Variants in NRXN1 observed in about 807,000 individuals in gnomAD.
The protein encoded by NRXN1 is neurexin-1.
In NRXN1, 39 loss-of-function variants were observed where a neutral mutation model predicts 150.9. That is an observed-to-expected ratio of 0.26 (90% CI 0.20 to 0.34). NRXN1 has a LOEUF of 0.34. Ranked by LOEUF, NRXN1 falls within the 10% of genes least tolerant of loss-of-function variation. The pLI, the probability that NRXN1 is intolerant of heterozygous loss-of-function variation, is 1.00. For synonymous variants in NRXN1, 924 were observed against 757.0 expected, an observed-to-expected ratio of 1.22 and a Z score of -3.62; for missense variants, 1,815 against 1,949.9, an observed-to-expected ratio of 0.93 and a Z score of 1.30.
At chr2:50,825,087 G>A (rs996701814) in intron 5 of NRXN1, among the ~76,000 whole-genome samples, 16 of 152,078 alleles carry the variant, frequency 1.1e-4, no homozygotes, top group Non-Finnish European at 1.8e-4. Flanking sequence ...TGCTTCCAAC[G>A]TATCTATAGT....
intron 2 of NRXN1, among the ~76,000 whole-genome samples, chr2:51,013,701 A>G (rs1668244938): frequency 6.6e-6 from 1 of 152,066 alleles, no homozygotes; most frequent in Non-Finnish European, 1.5e-5. Context: ...AAGGATCTCT[A>G]GTGATACAGA....
chr2:50,003,323 T>G (rs1356662592), intron 21 of NRXN1, among the ~76,000 whole-genome samples: 1 of 152,140 alleles, frequency 6.6e-6, no homozygotes, highest in Non-Finnish European at 1.5e-5. Flanking sequence ...AAAGGAAATT[T>G]GTACATTTGG....
At chr2:50,354,832 G>A (rs1052450060) in intron 17 of NRXN1, among the ~76,000 whole-genome samples, 7 of 151,926 alleles carry the variant, frequency 4.6e-5, no homozygotes, top group Non-Finnish European at 8.8e-5. Context: ...AAAGATCAAT[G>A]CCATGAACTG....
chr2:50,381,363 A>T (rs764289070), intron 17 of NRXN1, among the ~76,000 whole-genome samples: 23 of 152,048 alleles, frequency 1.5e-4, no homozygotes, highest in Non-Finnish European at 2.4e-4. Context: ...CAGAAGAGGG[A>T]GGAAGAAACT....
chr2:50,556,311 A>T (rs955878103), intron 8 of NRXN1, among the ~76,000 whole-genome samples: 14 of 152,096 alleles, frequency 9.2e-5, no homozygotes, highest in Admixed American at 9.2e-4. Flanking sequence ...CTTCTTTCTG[A>T]AACAATGTGG....
chr2:50,223,247 G>T (rs1191057874), intron 18 of NRXN1, among the ~76,000 whole-genome samples: 1 of 151,828 alleles, frequency 6.6e-6, no homozygotes, highest in Non-Finnish European at 1.5e-5. Context: ...CAAAGTTAAG[G>T]AAAAACTAGT....
chr2:50,298,427 A>G (rs1434729157), intron 17 of NRXN1, among the ~76,000 whole-genome samples: 1 of 152,152 alleles, frequency 6.6e-6, no homozygotes, highest in African/African-American at 2.4e-5. Context: ...GAGGAAACCC[A>G]GGGAAATTTT....
At chr2:50,130,930 T>G (rs537311390) in intron 18 of NRXN1, among the ~76,000 whole-genome samples, 9 of 152,206 alleles carry the variant, frequency 5.9e-5, no homozygotes, top group African/African-American at 1.9e-4. Flanking sequence ...TAATAATATT[T>G]AATATACAAT....
intron 5 of NRXN1, among the ~76,000 whole-genome samples, chr2:50,801,720 G>C (rs1458826474): frequency 2.0e-5 from 3 of 152,078 alleles, no homozygotes; most frequent in Admixed American, 6.6e-5. Context: ...ATTTATATTT[G>C]TATTTTCATT....
At chr2:50,041,999 G>A (rs1243590087) in intron 21 of NRXN1, among the ~76,000 whole-genome samples, 1 of 152,158 alleles carries the variant, frequency 6.6e-6, no homozygotes, top group African/African-American at 2.4e-5. Flanking sequence ...AAGAATGTCA[G>A]TAGCATAAAT....
At position 49,919,234 on chromosome 2, in the gene NRXN1, A is replaced by T. The variant is rs1667800059; in HGVS notation, c.*2710T>A. The T allele has an allele frequency of 6.6e-6, 1 of 152,182 alleles. No homozygotes were observed. The highest frequency in any genetic ancestry group is 1.5e-5 in the Non-Finnish European group (1 of 67,990). The allele number at this position is 152,182 out of a possible 1,614,324, so 9.4% of individuals were successfully genotyped here. On this transcript the variant is annotated 3_prime_UTR_variant, in exon 23 of 23. Transcript: ENST00000401669. Reference sequence around the variant, plus strand: ...TGCAGGGAACCCTGATATGTTTGGTATGAAGATACTTGGGATTCAAGTCAT... The same window carrying T: ...TGCAGGGAACCCTGATATGTTTGGTTTGAAGATACTTGGGATTCAAGTCAT...
intron 18 of NRXN1, among the ~76,000 whole-genome samples, chr2:50,179,547 G>C (rs372133280): frequency 2.0e-4 from 31 of 152,168 alleles, no homozygotes; most frequent in African/African-American, 7.5e-4. Context: ...TTCTGAAAAT[G>C]ATATTGATTC....
At chr2:50,350,362 G>A (rs2078322214) in intron 17 of NRXN1, among the ~76,000 whole-genome samples, 1 of 152,248 alleles carries the variant, frequency 6.6e-6, no homozygotes, top group African/African-American at 2.4e-5. Flanking sequence ...ATTTTAAACA[G>A]CAAAGTCACC....
chr2:50,537,518 G>A (rs958034167), intron 10 of NRXN1, among the ~76,000 whole-genome samples: 1 of 152,036 alleles, frequency 6.6e-6, no homozygotes, highest in Admixed American at 6.6e-5. Context: ...TCCTTTTATT[G>A]TATAGGGTGA....
At chr2:50,261,276 C>T (rs1420811732) in intron 17 of NRXN1, among the ~76,000 whole-genome samples, 1 of 151,754 alleles carries the variant, frequency 6.6e-6, no homozygotes, top group East Asian at 1.9e-4. Flanking sequence ...GTCATATGCA[C>T]TAACTCTCAA....
At chr2:50,985,972 A>T (rs917827008) in intron 2 of NRXN1, among the ~76,000 whole-genome samples, 1 of 151,750 alleles carries the variant, frequency 6.6e-6, no homozygotes, top group African/African-American at 2.4e-5. Flanking sequence ...GAAAAACACT[A>T]CAGAGAAATT....
intron 18 of NRXN1, among the ~76,000 whole-genome samples, chr2:50,151,931 A>G (rs1386867194): frequency 1.3e-5 from 2 of 151,870 alleles, no homozygotes; most frequent in Non-Finnish European, 2.9e-5. Flanking sequence ...GCTAGAGAAA[A>G]TGATTACCAA....
chr2:50,641,530 A>G (rs572912004), intron 5 of NRXN1, among the ~76,000 whole-genome samples: 1 of 152,144 alleles, frequency 6.6e-6, no homozygotes, highest in East Asian at 1.9e-4. Flanking sequence ...AGTTCTTTTT[A>G]TATTTGGCAT....
intron 2 of NRXN1, among the ~76,000 whole-genome samples, chr2:51,015,765 G>A (rs995351636): frequency 6.6e-6 from 1 of 151,966 alleles, no homozygotes; most frequent in Non-Finnish European, 1.5e-5. Context: ...GAACAGGACA[G>A]AGGAAAAGAA....
Sources: gnomAD v4.1 joint callset for allele counts (sites outside exome capture counted in the v4.1 genomes callset) on GRCh38, gnomAD v4.1.1 for gene constraint, MANE v1.5 for transcripts, NCBI Gene and HGNC (gene_info 2026-07-23, HGNC 2026-07-21) for gene names.